The following TRPM1 variants were observed in gnomAD, a reference collection of about 807,000 sequenced individuals.
TRPM1 encodes the protein TRPM1-203 APA Isoform, Intron 10.
In TRPM1, 113 loss-of-function variants were observed where a neutral mutation model predicts 149.4. The observed-to-expected ratio is 0.76, with a 90% CI of 0.65 to 0.88. The LOEUF (loss-of-function observed/expected upper bound fraction) is 0.88, where lower values mean the gene tolerates loss of function less well. Among genes scored for constraint, TRPM1 ranks in the 40% least tolerant of loss-of-function variants. TRPM1 has a pLI of 0.00. For missense variants in TRPM1, 1,976 were observed against 2,038.7 expected, an observed-to-expected ratio of 0.97 and a Z score of 0.59; for synonymous variants, 741 against 759.5, an observed-to-expected ratio of 0.98 and a Z score of 0.40.
chr15:31,132,619 A>G (rs995798969), intron 1 of TRPM1, among the ~76,000 whole-genome samples: 2 of 152,082 alleles, frequency 1.3e-5, no homozygotes, highest in Non-Finnish European at 2.9e-5. Flanking sequence ...CTGGGTGAAG[A>G]CCTCTGGCAT....
Position 31,067,928 on chromosome 15 carries a change from C to T in TRPM1, c.444G>A (p.Lys148=). The T allele has an allele frequency of 1.9e-6, 3 of 1,613,950 alleles. No individual in the cohort carries two copies. The highest frequency in any genetic ancestry group is 1.1e-5 in the South Asian group (1 of 91,062). The part of the protein sequence containing the change: ...LKQVFGKGLI[K]AAMTTGAWIF... ...TCCAGGCCCCGGTGGTCATAGCAGCCTTGATCAGGCCTTTCCCAAAGACTT... is the reference window on the plus strand; with the variant it reads ...TCCAGGCCCCGGTGGTCATAGCAGCTTTGATCAGGCCTTTCCCAAAGACTT... The change falls in exon 5 of 28, where the codon AAG becomes AAA. Residue 148 remains lysine, a synonymous_variant. Coordinates refer to ENST00000256552, the MANE Select transcript of TRPM1 (RefSeq NM_001252024.2).
intron 11 of TRPM1, among the ~76,000 whole-genome samples, chr15:31,059,882 A>T (rs1317615372): frequency 9.9e-5 from 15 of 152,184 alleles, no homozygotes; most frequent in Non-Finnish European, 8.8e-5. Flanking sequence ...TTTATCATGC[A>T]GACTTATGTG....
rs1567009931 is a variant in TRPM1 at position 31,037,782 on chromosome 15, T to C, written c.2500A>G (p.Arg834Gly). 1 of 1,614,248 alleles carries C rather than the reference T, an allele frequency of 6.2e-7. No individual in the cohort carries two copies. The highest frequency in any genetic ancestry group is 8.5e-7 in the Non-Finnish European group (1 of 1,180,044). Residue 834 changes from arginine (R) to glycine (G), a missense_variant, in exon 20 of 28, where the codon AGA becomes GGA. This residue lies in a region of TRPM1 where 1,332 missense variants were observed against 1,347.1 expected (regional missense o/e 0.99). Coordinates refer to ENST00000256552, the MANE Select transcript of TRPM1 (RefSeq NM_001252024.2). ...GDEENEHKKQ[R>G]SIPIGTKICE... Reference sequence around the variant, plus strand: ...ATCTTTGTTCCGATGGGAATACTTCTCTGTTTTTTGTGCTCGTTCTCCTCA... The same window carrying C: ...ATCTTTGTTCCGATGGGAATACTTCCCTGTTTTTTGTGCTCGTTCTCCTCA...
In TRPM1 at chr15:31,002,640, T is replaced by C. The variant is rs750796762; in HGVS notation, c.4060A>G (p.Thr1354Ala). The C allele has an allele frequency of 1.8e-5, 29 of 1,614,098 alleles. 1 individual carries two copies. In the East Asian group the frequency reaches 6.0e-4, roughly 33 times the overall value. ...TGACTGCCATCTGGGGTTGCTGATGTGCTTGTGCCCAGTGAAAGGTGAAGA... is the reference window on the plus strand; with the variant it reads ...TGACTGCCATCTGGGGTTGCTGATGCGCTTGTGCCCAGTGAAAGGTGAAGA... ...NSLHLSLGTS[T>A]SATPDGSHLA... Residue 1354 changes from threonine to alanine, a missense_variant, in exon 28 of 28, where the codon ACA becomes GCA. By Grantham distance (58) the Thr-to-Ala change is moderately conservative. This residue lies in a region of TRPM1 where 572 missense variants were observed against 578.9 expected (regional missense o/e 0.99). Coordinates refer to ENST00000256552, the MANE Select transcript of TRPM1 (RefSeq NM_001252024.2).
chr15:31,005,469 C>G lies in TRPM1; in HGVS notation c.3630-2399G>C, dbSNP rs7182547. Among the ~76,000 whole-genome samples, 546 of 152,040 alleles carry G rather than the reference C, an allele frequency of 3.6e-3. 6 individuals are homozygous for G. Among genetic ancestry groups the G allele is most frequent in the African/African-American group, 0.012 (512 of 41,466 alleles). ...CCTCCCCTCACTTCTCTCCTCTCCCCTCCCCTCTGCATTGAATCAGTTACC... is the reference window on the plus strand; with the variant it reads ...CCTCCCCTCACTTCTCTCCTCTCCCGTCCCCTCTGCATTGAATCAGTTACC... On this transcript the variant is annotated intron_variant, in intron 27 of 27. Transcript: ENST00000256552.
intron 27 of TRPM1, among the ~76,000 whole-genome samples, chr15:31,025,444 T>C (rs1168752646): frequency 6.6e-6 from 1 of 152,234 alleles, no homozygotes; most frequent in Non-Finnish European, 1.5e-5. Flanking sequence ...TCACCATTTC[T>C]GTACCTCGCG....
At chr15:31,130,572 C>T (rs931511139) in intron 1 of TRPM1, among the ~76,000 whole-genome samples, 1 of 152,206 alleles carries the variant, frequency 6.6e-6, no homozygotes, top group Non-Finnish European at 1.5e-5. Flanking sequence ...TTCCAAACCT[C>T]CTCAAATTGC....
At chr15:31,052,969 C>A (rs1306932852) in intron 11 of TRPM1, among the ~76,000 whole-genome samples, 1 of 152,106 alleles carries the variant, frequency 6.6e-6, no homozygotes, top group Non-Finnish European at 1.5e-5. Context: ...ATACCATTAA[C>A]AGAGTAAAGG....
chr15:31,080,375 A>G (rs1029780685), intron 2 of TRPM1, among the ~76,000 whole-genome samples: 1 of 152,188 alleles, frequency 6.6e-6, no homozygotes, highest in African/African-American at 2.4e-5. Flanking sequence ...CCTGTCATGG[A>G]ACAAATATTT....
At chr15:31,049,632 A>G (rs2033889208) in intron 12 of TRPM1, 123 bp from the exon 13 acceptor site, 3 of 1,106,980 alleles carry the variant, frequency 2.7e-6, no homozygotes, top group African/African-American at 1.5e-5. Flanking sequence ...CCAGCATGGT[A>G]CTCTTTGCTC....
intron 27 of TRPM1, among the ~76,000 whole-genome samples, chr15:31,007,089 A>T (rs1175304303): frequency 6.6e-6 from 1 of 152,164 alleles, no homozygotes; most frequent in Non-Finnish European, 1.5e-5. Flanking sequence ...GTCTATTCCC[A>T]AGTTGTGAAG....
rs1247185012 is a variant in TRPM1, at chr15:31,002,682, G to A, written c.4018C>T (p.Pro1340Ser). The A allele has an allele frequency of 6.2e-7, 1 of 1,614,140 alleles. No individual in the cohort carries two copies. Residue 1340 changes from proline (P) to serine (S), a missense_variant, in exon 28 of 28, where the codon CCA becomes TCA. This residue lies in a region of TRPM1 where 572 missense variants were observed against 578.9 expected (regional missense o/e 0.99). Coordinates refer to ENST00000256552, the MANE Select transcript of TRPM1 (RefSeq NM_001252024.2). ...AGGTGAAGACTGTTCTGACATTCTGGGACTAGGTGCGTTTTCACGTCCTTC... is the reference window on the plus strand; with the variant it reads ...AGGTGAAGACTGTTCTGACATTCTGAGACTAGGTGCGTTTTCACGTCCTTC... ...EEKDVKTHLVPECQNSLHLSL... is the reference protein window; with the variant it reads ...EEKDVKTHLVSECQNSLHLSL...
chr15:31,063,061 T>C (rs1363454847), intron 8 of TRPM1, 57 bp downstream of exon 8: 2 of 1,607,858 alleles, frequency 1.2e-6, no homozygotes, highest in Non-Finnish European at 1.7e-6. Flanking sequence ...ATTTTCTCCT[T>C]GGCCCGACAA....
chr15:31,091,568 G>A (rs1176481197), intron 1 of TRPM1, among the ~76,000 whole-genome samples: 1 of 152,220 alleles, frequency 6.6e-6, no homozygotes, highest in African/African-American at 2.4e-5. Flanking sequence ...GGGCTTGGGA[G>A]CAGCAGGGGT....
intron 4 of TRPM1, chr15:31,069,780 C>T (rs1415771445): frequency 1.4e-6 from 2 of 1,455,394 alleles, no homozygotes; most frequent in East Asian, 2.5e-5. Flanking sequence ...GGGCCAGAGC[C>T]TGGTTTGTGG....
At chr15:31,029,318 T>G in intron 24 of TRPM1, 53 bp downstream of exon 24, 1 of 1,578,074 alleles carries the variant, frequency 6.3e-7, no homozygotes, top group Non-Finnish European at 8.7e-7. Flanking sequence ...AAGGAAAAGG[T>G]AATTGAAAAA....
rs2033913291 is a variant in TRPM1, at chr15:31,050,406, T to A, written c.1437+3A>T. 6.2e-7 allele frequency: 1 copy of A among 1,614,040 alleles called. No individual in the cohort carries two copies. Among genetic ancestry groups the A allele is most frequent in the Admixed American group, 1.7e-5 (1 of 60,008 alleles). On this transcript the variant is annotated splice_donor_region_variant and intron_variant, in intron 12 of 27. Transcript: ENST00000256552. The stretch of plus-strand genomic sequence containing the variant: ...CTCGTGATCTCTGTGACCTTCCACA[T>A]ACCCAGTTCAGCAGCTCTATCTTCC...
chr15:31,099,906 C>A (rs1250775665), intron 1 of TRPM1, among the ~76,000 whole-genome samples: 1 of 152,160 alleles, frequency 6.6e-6, no homozygotes, highest in African/African-American at 2.4e-5. Flanking sequence ...GTCCCGTATT[C>A]ATCAAGTGCA....
At chr15:31,056,231 G>C (rs1473795055) in intron 11 of TRPM1, among the ~76,000 whole-genome samples, 35 of 152,150 alleles carry the variant, frequency 2.3e-4, no homozygotes, top group Admixed American at 2.3e-3. Flanking sequence ...AAGGGAAAGA[G>C]ATAATAAAGA....
Sources: gnomAD v4.1 joint callset for allele counts (sites outside exome capture counted in the v4.1 genomes callset) on GRCh38, gnomAD v4.1.1 for gene constraint, gnomAD v4.1.1 regional missense constraint, MANE v1.5 for transcripts, NCBI Gene and HGNC (gene_info 2026-07-23, HGNC 2026-07-21) for gene names.